Variants in ISLR observed in about 807,000 individuals in gnomAD.
ISLR encodes immunoglobulin superfamily containing leucine-rich repeat protein.
In ISLR, 9 loss-of-function variants were observed where a neutral mutation model predicts 11.0. That is an observed-to-expected ratio of 0.82 (90% CI 0.49 to 1.43). The LOEUF (loss-of-function observed/expected upper bound fraction) is 1.43. Ranked by LOEUF, ISLR falls within the 40% of genes most tolerant of loss-of-function variation. ISLR has a pLI of 0.00. For missense variants in ISLR, 510 were observed against 576.4 expected, an observed-to-expected ratio of 0.88 and a Z score of 1.18; for synonymous variants, 262 against 264.1, an observed-to-expected ratio of 0.99 and a Z score of 0.08.
chr15:74,176,455 C>G lies in ISLR; in HGVS notation c.*310C>G, dbSNP rs558793600. 1 of 349,468 alleles carries G rather than the reference C, an allele frequency of 2.9e-6. No homozygotes were observed. Among genetic ancestry groups the G allele is most frequent in the East Asian group, 4.7e-5 (1 of 21,260 alleles). 21.6% of individuals were successfully genotyped at this position (349,468 alleles called of 1,614,324 possible). A position where few individuals can be genotyped will look rare whatever the true frequency, so the allele number is the denominator to read the frequency against. ...GACGTCCTAATCCAACTGGGAGAAG[C>G]CTCAGTGGTGGAATTCCAGGCACTG... On this transcript the variant is annotated 3_prime_UTR_variant, in exon 2 of 2. Coordinates refer to ENST00000249842, the MANE Select transcript of ISLR (RefSeq NM_005545.4).
chr15:74,176,054 C>T lies in ISLR; in HGVS notation c.1196C>T (p.Ala399Val), dbSNP rs752603451. The change falls in exon 2 of 2, where the codon GCA becomes GTA. Residue 399 changes from alanine (A) to valine (V), a missense_variant. Transcript: ENST00000249842. ...YLSRAGNPEA[A>V]VAEGVPGQLP... ...AGCCGTGCTGGGAACCCTGAGGCTG[C>T]AGTCGCAGAAGGGGTCCCTGGGCAG... 1.2e-6 allele frequency: 2 copies of T among 1,611,502 alleles called. No individual in the cohort carries two copies. Among genetic ancestry groups the T allele is most frequent in the South Asian group, 1.1e-5 (1 of 90,714 alleles).
chr15:74,176,462 G>T lies in ISLR; in HGVS notation c.*317G>T. ...TAATCCAACTGGGAGAAGCCTCAGT[G>T]GTGGAATTCCAGGCACTGTGACTGT... On this transcript the variant is annotated 3_prime_UTR_variant, in exon 2 of 2. Coordinates refer to ENST00000249842, the MANE Select transcript of ISLR (RefSeq NM_005545.4). 3.0e-6 allele frequency: 1 copy of T among 338,736 alleles called. No homozygotes were observed. Among genetic ancestry groups the T allele is most frequent in the Non-Finnish European group, 5.7e-6 (1 of 176,892 alleles). 21.0% of individuals were successfully genotyped at this position (338,736 alleles called of 1,614,324 possible). A position where few individuals can be genotyped will look rare whatever the true frequency, so the allele number is the denominator to read the frequency against.
In ISLR at chr15:74,174,930, C is replaced by A; in HGVS notation, c.72C>A (p.Asp24Glu). Residue 24 changes from aspartate (D) to glutamate (E), a missense_variant, in exon 2 of 2, where the codon GAC (aspartate) becomes GAA (glutamate). Asp to Glu is a conservative substitution (Grantham distance 45). Transcript: ENST00000249842. ...GLAQACPEPC[D>E]CGEKYGFQIA... is the part of the protein sequence containing the mutation. ...CTCAGGCCTGCCCTGAGCCCTGCGA[C>A]TGTGGGGAAAAGTATGGCTTCCAGA... The A allele has an allele frequency of 6.2e-7, 1 of 1,604,698 alleles. No individual in the cohort carries two copies. Among genetic ancestry groups the A allele is most frequent in the Non-Finnish European group, 8.5e-7 (1 of 1,176,234 alleles).
At position 74,175,568 on chromosome 15, in the gene ISLR, G is replaced by C. The variant is rs747651717; in HGVS notation, c.710G>C (p.Ser237Thr). The stretch of plus-strand genomic sequence containing the variant: ...TGCTCGGCGCCCTCAGTGCAGCTCA[G>C]CTACCAACCCAGCCAGGATGGTGCC... ...LPCSAPSVQL[S>T]YQPSQDGAEL... Residue 237 changes from serine to threonine, a missense_variant, in exon 2 of 2, where the codon AGC becomes ACC. Ser to Thr is a moderately conservative substitution (Grantham distance 58). Transcript: ENST00000249842. This position sits in a 1 kb window ranked among gnomAD's most constrained non-coding sequence, Gnocchi z 4.7. 1.2e-6 allele frequency: 2 copies of C among 1,612,710 alleles called. No individual in the cohort carries two copies. Among genetic ancestry groups the C allele is most frequent in the East Asian group, 4.5e-5 (2 of 44,866 alleles).
chr15:74,175,565 T>C lies in ISLR; in HGVS notation c.707T>C (p.Leu236Pro), dbSNP rs776137256. The change falls in exon 2 of 2, where the codon CTC becomes CCC. Residue 236 changes from leucine (L) to proline (P), a missense_variant. By Grantham distance (98) the Leu-to-Pro change is moderately conservative (BLOSUM62 -3). Transcript: ENST00000249842. The surrounding 1 kb of genome is among the most constrained non-coding windows in gnomAD (Gnocchi z 4.7). Reference sequence around the variant, plus strand: ...CCATGCTCGGCGCCCTCAGTGCAGCTCAGCTACCAACCCAGCCAGGATGGT... The same window carrying C: ...CCATGCTCGGCGCCCTCAGTGCAGCCCAGCTACCAACCCAGCCAGGATGGT... Reference protein sequence around the residue: ...PLPCSAPSVQLSYQPSQDGAE... With the variant: ...PLPCSAPSVQPSYQPSQDGAE... The C allele has an allele frequency of 6.2e-7, 1 of 1,612,608 alleles. No homozygotes were observed. Among genetic ancestry groups the C allele is most frequent in the South Asian group, 1.1e-5 (1 of 90,982 alleles).
chr15:74,176,196 T>G lies in ISLR; in HGVS notation c.*51T>G. On this transcript the variant is annotated 3_prime_UTR_variant, in exon 2 of 2. Transcript: ENST00000249842. ...TCCCCTTGCCCCTACCAATGCCCCTTTAAGTGCTGCAGGGGTCTGGGGTTG... is the reference window on the plus strand; with the variant it reads ...TCCCCTTGCCCCTACCAATGCCCCTGTAAGTGCTGCAGGGGTCTGGGGTTG... The G allele has an allele frequency of 6.8e-7, 1 of 1,461,966 alleles. No homozygotes were observed. Among genetic ancestry groups the G allele is most frequent in the Non-Finnish European group, 9.2e-7 (1 of 1,086,360 alleles). The allele number at this position is 1,461,966 out of a possible 1,614,324, so 90.6% of individuals were successfully genotyped here.
Position 74,175,081 on chromosome 15 carries a change from C to T in ISLR, c.223C>T (p.Leu75=). Residue 75 remains leucine, a synonymous_variant, in exon 2 of 2, where the codon CTG becomes TTG. Coordinates refer to ENST00000249842, the MANE Select transcript of ISLR (RefSeq NM_005545.4). This position sits in a 1 kb window ranked among gnomAD's most constrained non-coding sequence, Gnocchi z 4.7. ...LPEGAFREVP[L]LQSLWLAHNE... ...GGAGGGTGCCTTCAGGGAGGTGCCC[C>T]TGCTGCAGTCGCTGTGGCTGGCACA... The T allele has an allele frequency of 6.2e-7, 1 of 1,612,032 alleles. No homozygotes were observed. Among genetic ancestry groups the T allele is most frequent in the Non-Finnish European group, 8.5e-7 (1 of 1,179,826 alleles).
chr15:74,175,646 C>T lies in ISLR; in HGVS notation c.788C>T (p.Pro263Leu), dbSNP rs756516107. The change falls in exon 2 of 2, where the codon CCG becomes CTG. Residue 263 changes from proline to leucine, a missense_variant. Transcript: ENST00000249842. This position sits in a 1 kb window ranked among gnomAD's most constrained non-coding sequence, Gnocchi z 4.7. ...CTGCACTGTGATGTGGACGGGCAGCCGGCCCCTCAGCTTCACTGGCACATC... is the reference window on the plus strand; with the variant it reads ...CTGCACTGTGATGTGGACGGGCAGCTGGCCCCTCAGCTTCACTGGCACATC... ...LALHCDVDGQ[P>L]APQLHWHIQI... 5.3e-5 allele frequency: 85 copies of T among 1,614,118 alleles called. No homozygotes were observed. Among genetic ancestry groups the T allele is most frequent in the Non-Finnish European group, 6.5e-5 (77 of 1,180,030 alleles).
In ISLR at chr15:74,175,294, C is replaced by G. The variant is rs371407871; in HGVS notation, c.436C>G (p.Arg146Gly). The G allele has an allele frequency of 1.2e-6, 2 of 1,612,024 alleles. No homozygotes were observed. The highest frequency in any genetic ancestry group is 1.7e-6 in the Non-Finnish European group (2 of 1,180,018). ...FIPRDAFRSL[R>G]ALRSLQLNHN... ...CCCCCGCGACGCCTTCCGCAGCCTC[C>G]GTGCTCTGCGCTCGCTGCAACTCAA... Residue 146 changes from arginine to glycine, a missense_variant, in exon 2 of 2, where the codon CGT (arginine) becomes GGT (glycine). Coordinates refer to ENST00000249842, the MANE Select transcript of ISLR (RefSeq NM_005545.4). The surrounding 1 kb of genome is among the most constrained non-coding windows in gnomAD (Gnocchi z 4.7).
chr15:74,175,395 G>A lies in ISLR; in HGVS notation c.537G>A (p.Glu179=), dbSNP rs1022779790. The part of the protein sequence containing the change: ...LTALSHLQIN[E]NPFDCTCGIV... Reference sequence around the variant, plus strand: ...CGCTGTCCCACCTGCAGATCAACGAGAACCCCTTCGACTGCACCTGCGGCA... The same window carrying A: ...CGCTGTCCCACCTGCAGATCAACGAAAACCCCTTCGACTGCACCTGCGGCA... The change falls in exon 2 of 2, where the codon GAG becomes GAA. Residue 179 remains glutamate (E), a synonymous_variant. Transcript: ENST00000249842. The surrounding 1 kb of genome is among the most constrained non-coding windows in gnomAD (Gnocchi z 4.7). The A allele has an allele frequency of 6.2e-7, 1 of 1,611,928 alleles. No individual in the cohort carries two copies. Among genetic ancestry groups the A allele is most frequent in the Non-Finnish European group, 8.5e-7 (1 of 1,179,948 alleles).
In ISLR at chr15:74,175,892, C is replaced by T. The variant is rs373182896; in HGVS notation, c.1034C>T (p.Ala345Val). ...SAESSVDVAL[A>V]TPGEGGEDTL... The stretch of plus-strand genomic sequence containing the variant: ...GAGAGCTCAGTGGACGTGGCACTGG[C>T]CACGCCCGGTGAGGGTGGTGAGGAC... Residue 345 changes from alanine (A) to valine (V), a missense_variant, in exon 2 of 2, where the codon GCC becomes GTC. Transcript: ENST00000249842. This position sits in a 1 kb window ranked among gnomAD's most constrained non-coding sequence, Gnocchi z 4.7. The T allele has an allele frequency of 3.0e-5, 49 of 1,613,512 alleles. No homozygotes were observed. In the African/African-American group the frequency reaches 5.6e-4, roughly 18 times the overall value.
intron 1 of ISLR, 70 bp from the exon 2 acceptor site, chr15:74,174,781 G>C: frequency 4.0e-6 from 5 of 1,250,464 alleles, no homozygotes; most frequent in Non-Finnish European, 5.4e-6. Context: ...GCTCTGGCTG[G>C]GCTTGTGGGA....
At position 74,174,900 on chromosome 15, in the gene ISLR, C is replaced by A. The variant is rs762729788; in HGVS notation, c.42C>A (p.Gly14=). 1.3e-6 allele frequency: 2 copies of A among 1,553,566 alleles called. No individual in the cohort carries two copies. The highest frequency in any genetic ancestry group is 1.3e-5 in the South Asian group (1 of 79,700). The change falls in exon 2 of 2, where the codon GGC becomes GGA. Residue 14 remains glycine, a synonymous_variant. Transcript: ENST00000249842. ...LHLLWWALLL[G]LAQACPEPCD... ...TGCTCTGGTGGGCGCTTCTCCTGGG[C>A]CTGGCTCAGGCCTGCCCTGAGCCCT...
Position 74,175,338 on chromosome 15 carries a change from A to G in ISLR, c.480A>G (p.Thr160=), listed in dbSNP as rs560419352. ...AACTCAACCACAACCGCTTGCACACATTGGCCGAGGGCACCTTCACCCCGC... is the reference window on the plus strand; with the variant it reads ...AACTCAACCACAACCGCTTGCACACGTTGGCCGAGGGCACCTTCACCCCGC... ...SLQLNHNRLH[T]LAEGTFTPLT... is the part of the protein sequence containing the mutation. Residue 160 remains threonine (T), a synonymous_variant, in exon 2 of 2, where the codon ACA becomes ACG. Coordinates refer to ENST00000249842, the MANE Select transcript of ISLR (RefSeq NM_005545.4). This position sits in a 1 kb window ranked among gnomAD's most constrained non-coding sequence, Gnocchi z 4.7. 20 of 1,610,980 alleles carry G rather than the reference A, an allele frequency of 1.2e-5. No individual in the cohort carries two copies. The East Asian group carries it at 3.6e-4, about 29-fold the overall frequency.
rs755289697 is a variant in ISLR, at chr15:74,175,842, G to A, written c.984G>A (p.Leu328=). The A allele has an allele frequency of 1.2e-6, 2 of 1,614,076 alleles. No homozygotes were observed. Among genetic ancestry groups the A allele is most frequent in the Non-Finnish European group, 1.7e-6 (2 of 1,180,014 alleles). The change falls in exon 2 of 2, where the codon CTG becomes CTA. Residue 328 remains leucine (L), a synonymous_variant. Transcript: ENST00000249842. The surrounding 1 kb of genome is among the most constrained non-coding windows in gnomAD (Gnocchi z 4.7). ...TGGAGGAAGGCACCTACAGCTGCCT[G>A]GCCACCAATGAGCTGGGCAGTGCTG... ...GKLEEGTYSC[L]ATNELGSAES...
rs371407871 is a variant in ISLR, at chr15:74,175,294, C to T, written c.436C>T (p.Arg146Cys). 315 of 1,611,906 alleles carry T rather than the reference C, an allele frequency of 2.0e-4. No individual in the cohort carries two copies. Among genetic ancestry groups the T allele is most frequent in the Admixed American group, 1.1e-3 (64 of 60,004 alleles). Residue 146 changes from arginine to cysteine, a missense_variant, in exon 2 of 2, where the codon CGT becomes TGT. By Grantham distance (180) the Arg-to-Cys change is radical. Coordinates refer to ENST00000249842, the MANE Select transcript of ISLR (RefSeq NM_005545.4). This position sits in a 1 kb window ranked among gnomAD's most constrained non-coding sequence, Gnocchi z 4.7. ...CCCCCGCGACGCCTTCCGCAGCCTCCGTGCTCTGCGCTCGCTGCAACTCAA... is the reference window on the plus strand; with the variant it reads ...CCCCCGCGACGCCTTCCGCAGCCTCTGTGCTCTGCGCTCGCTGCAACTCAA... ...FIPRDAFRSL[R>C]ALRSLQLNHN...
rs769220135 is a variant in ISLR at position 74,174,836 on chromosome 15, T to A, written c.-8-15T>A. On this transcript the variant is annotated splice_polypyrimidine_tract_variant and intron_variant, in intron 1 of 1. Coordinates refer to ENST00000249842, the MANE Select transcript of ISLR (RefSeq NM_005545.4). ...GGTTCTCGGGATCCCCTGGGTGACATGCCTTTCTCTGCAGGAGGCACCATG... is the reference window on the plus strand; with the variant it reads ...GGTTCTCGGGATCCCCTGGGTGACAAGCCTTTCTCTGCAGGAGGCACCATG... 6 of 1,506,558 alleles carry A rather than the reference T, an allele frequency of 4.0e-6. No individual in the cohort carries two copies. In the East Asian group the frequency reaches 9.1e-5, roughly 23 times the overall value. 93.3% of individuals were successfully genotyped at this position (1,506,558 alleles called of 1,614,324 possible).
intron 1 of ISLR, chr15:74,174,517 G>C (rs2072769431): frequency 4.3e-6 from 1 of 233,924 alleles, no homozygotes; most frequent in Non-Finnish European, 8.3e-6. Flanking sequence ...TGCTGGGGGA[G>C]GGGGGTGGCT....
In ISLR at chr15:74,176,372, C is replaced by T. The variant is rs901123298; in HGVS notation, c.*227C>T. 1.4e-5 allele frequency: 7 copies of T among 484,496 alleles called. No individual in the cohort carries two copies. The highest frequency in any genetic ancestry group is 7.8e-5 in the African/African-American group (4 of 51,020). The allele number at this position is 484,496 out of a possible 1,614,324, so 30.0% of individuals were successfully genotyped here. On this transcript the variant is annotated 3_prime_UTR_variant, in exon 2 of 2. Coordinates refer to ENST00000249842, the MANE Select transcript of ISLR (RefSeq NM_005545.4). ...CCCCTAACTCACTGTCTGCGGTGCTCATTGCTGCTAACAGCATTGCCTGTG... is the reference window on the plus strand; with the variant it reads ...CCCCTAACTCACTGTCTGCGGTGCTTATTGCTGCTAACAGCATTGCCTGTG...
Sources: gnomAD v4.1 joint callset for allele counts on GRCh38, gnomAD v4.1.1 for gene constraint, Gnocchi (gnomAD v3.1) non-coding constraint, MANE v1.5 for transcripts, NCBI Gene and HGNC (gene_info 2026-07-23, HGNC 2026-07-21) for gene names.